NAV2: variants seen among roughly 807,000 people sequenced by gnomAD.
The protein encoded by NAV2 is neuron navigator 2.
In NAV2, 54 loss-of-function variants were observed where a neutral mutation model predicts 223.2. The observed-to-expected ratio is 0.24, with a 90% CI of 0.19 to 0.30. The LOEUF (loss-of-function observed/expected upper bound fraction) is 0.30. NAV2 is among the 10% of genes least tolerant of loss of function. The probability of loss-of-function intolerance (pLI) is 1.00; values close to 1 mark genes in which losing one functional copy is unlikely to be tolerated. For missense variants in NAV2, 2,806 were observed against 3,147.5 expected (o/e 0.89, Z 2.60); for synonymous variants, 1,279 against 1,239.3 (o/e 1.03, Z -0.67).
chr11:19,584,226 T>C (rs930041156), intron 1 of NAV2, among the ~76,000 whole-genome samples: 57 of 152,058 alleles, frequency 3.7e-4, no homozygotes, highest in African/African-American at 7.2e-4. Flanking sequence ...GTGGTGATAT[T>C]CCCTTTATCA....
chr11:19,630,765 AC>A (rs1168609637), intron 1 of NAV2, among the ~76,000 whole-genome samples: 1 of 152,050 alleles, frequency 6.6e-6, no homozygotes, highest in Non-Finnish European at 1.5e-5. Flanking sequence ...AGTCCCAGCT[AC>A]TTGGGAGGCT....
At chr11:19,950,485 G>A (rs749540204) in intron 10 of NAV2, among the ~76,000 whole-genome samples, 11 of 152,224 alleles carry the variant, frequency 7.2e-5, no homozygotes, top group East Asian at 1.9e-4. Context: ...TTTTATTGCT[G>A]TATTGAAATA....
chr11:19,432,326 G>A (rs978158855), intron 1 of NAV2, among the ~76,000 whole-genome samples: 1 of 152,134 alleles, frequency 6.6e-6, no homozygotes, highest in African/African-American at 2.4e-5. Context: ...ATTGTTAATT[G>A]ATGTTTATTG....
chr11:19,764,990 C>T (rs2152558629), intron 1 of NAV2, among the ~76,000 whole-genome samples: 1 of 152,282 alleles, frequency 6.6e-6, no homozygotes, highest in Middle Eastern at 3.4e-3. Flanking sequence ...CTCACTGCTA[C>T]CCTCCCAGAC....
intron 1 of NAV2, among the ~76,000 whole-genome samples, chr11:19,685,421 C>T (rs893164261): frequency 6.6e-6 from 1 of 152,088 alleles, no homozygotes; most frequent in Non-Finnish European, 1.5e-5. Context: ...TGACCACACC[C>T]CCTTCCCAAT....
rs1230801133 is a variant in NAV2, at chr11:20,031,060, C to T, written c.2769-4899C>T. ...GGTTTATCATCTCAGGTGGGCTCAG[C>T]GCCATCATATGGTTTTTCTCCGACT... On this transcript the variant is annotated intron_variant, in intron 11 of 37. Coordinates refer to ENST00000349880, the MANE Select transcript of NAV2 (RefSeq NM_145117.5). 2.0e-5 allele frequency among the ~76,000 whole-genome samples: 3 copies of T among 152,156 alleles called. No homozygotes were observed. In the East Asian group the frequency reaches 5.8e-4, roughly 29 times the overall value.
intron 1 of NAV2, among the ~76,000 whole-genome samples, chr11:19,773,506 G>C (rs1248388194): frequency 1.3e-5 from 2 of 152,192 alleles, no homozygotes; most frequent in Non-Finnish European, 2.9e-5. Context: ...CAGCTGGAAG[G>C]CACCAGACCA....
At chr11:20,049,268 C>A in intron 15 of NAV2, 73 bp downstream of exon 15, 8 of 1,145,252 alleles carry the variant, frequency 7.0e-6, no homozygotes, top group Non-Finnish European at 1.0e-5. Flanking sequence ...GCTTAGGAAT[C>A]CCAAATGTCG....
At chr11:20,081,286 CAGAT>C (rs1444864264) in intron 25 of NAV2, among the ~76,000 whole-genome samples, 1 of 152,142 alleles carries the variant, frequency 6.6e-6, no homozygotes, top group Non-Finnish European at 1.5e-5. Context: ...TGACTAAACA[CAGAT>C]AGGATTAATT....
intron 1 of NAV2, among the ~76,000 whole-genome samples, chr11:19,549,216 A>G (rs1281577602): frequency 6.6e-6 from 1 of 152,228 alleles, no homozygotes; most frequent in African/African-American, 2.4e-5. Flanking sequence ...GGCCATTCTC[A>G]TCAGACTGGC....
chr11:19,844,676 T>C (rs915304765), intron 3 of NAV2, among the ~76,000 whole-genome samples: 5 of 152,264 alleles, frequency 3.3e-5, no homozygotes, highest in Non-Finnish European at 5.9e-5. Context: ...TTTCAGATTC[T>C]TCTTTGCAAA....
chr11:19,423,285 G>A (rs1353609465), intron 1 of NAV2, among the ~76,000 whole-genome samples: 1 of 152,234 alleles, frequency 6.6e-6, no homozygotes, highest in Non-Finnish European at 1.5e-5. Flanking sequence ...GAGCTAATAT[G>A]TGTAAAGTGC....
At chr11:19,661,161 G>A (rs1043464298) in intron 1 of NAV2, among the ~76,000 whole-genome samples, 21 of 152,106 alleles carry the variant, frequency 1.4e-4, no homozygotes, top group Admixed American at 1.2e-3. Flanking sequence ...TATGAATTTG[G>A]TACTCTAGGT....
At chr11:19,537,707 C>G (rs1268666841) in intron 1 of NAV2, among the ~76,000 whole-genome samples, 1 of 152,166 alleles carries the variant, frequency 6.6e-6, no homozygotes, top group Non-Finnish European at 1.5e-5. Context: ...TTCCTTAGTT[C>G]TAGACACAAT....
chr11:19,644,552 T>A, intron 1 of NAV2, among the ~76,000 whole-genome samples: 1 of 152,204 alleles, frequency 6.6e-6, no homozygotes, highest in African/African-American at 2.4e-5. Flanking sequence ...ACCATTCCTG[T>A]GGGTTCCTTT....
At chr11:19,894,409 A>G (rs1171088815) in intron 6 of NAV2, among the ~76,000 whole-genome samples, 1 of 152,210 alleles carries the variant, frequency 6.6e-6, no homozygotes, top group African/African-American at 2.4e-5. Context: ...CCCTTGCCCT[A>G]TACTCATTTG....
At chr11:19,762,540 C>G (rs913551805) in intron 1 of NAV2, among the ~76,000 whole-genome samples, 1 of 151,926 alleles carries the variant, frequency 6.6e-6, no homozygotes, top group African/African-American at 2.4e-5. Flanking sequence ...ATCTTCTGTT[C>G]TCCTCCATGA....
intron 1 of NAV2, among the ~76,000 whole-genome samples, chr11:19,379,507 T>C (rs938978934): frequency 1.1e-4 from 16 of 152,168 alleles, no homozygotes; most frequent in Non-Finnish European, 1.5e-4. Context: ...TTCCTAGTTA[T>C]GTTCTGAAGC....
chr11:19,767,165 G>A (rs1348056844), intron 1 of NAV2, among the ~76,000 whole-genome samples: 1 of 152,232 alleles, frequency 6.6e-6, no homozygotes. Context: ...CCCTAGGATA[G>A]AAACTGGGGT....
Sources: allele counts gnomAD v4.1 joint callset (sites outside exome capture counted in the v4.1 genomes callset), GRCh38; gene constraint gnomAD v4.1.1; transcripts MANE v1.5; gene names NCBI Gene and HGNC (gene_info 2026-07-23, HGNC 2026-07-21).